EXOC4: variants seen among roughly 807,000 people sequenced by gnomAD.
EXOC4 encodes the protein exocyst complex component 4, also known as SEC8-like 1.
Under a neutral mutation model 107.2 loss-of-function variants are expected in EXOC4, and 71 were observed. The ratio of observed to expected loss-of-function variants is 0.66; its 90% CI spans 0.55 to 0.81. The LOEUF (loss-of-function observed/expected upper bound fraction) is 0.81, where lower values mean the gene tolerates loss of function less well. EXOC4 is among the 30% of genes least tolerant of loss of function. EXOC4 has a pLI of 0.00. For missense variants in EXOC4, 1,108 were observed against 1,189.6 expected (o/e 0.93, Z 1.01); for synonymous variants, 456 against 441.2 (o/e 1.03, Z -0.42).
chr7:133,410,551 G>C (rs1351729476), intron 7 of EXOC4, among the ~76,000 whole-genome samples: 1 of 152,096 alleles, frequency 6.6e-6, no homozygotes, highest in African/African-American at 2.4e-5. Flanking sequence ...CCACTTCTAT[G>C]TTAGGTCTAT....
chr7:133,462,462 T>G (rs1293277645), intron 7 of EXOC4, among the ~76,000 whole-genome samples: 1 of 152,098 alleles, frequency 6.6e-6, no homozygotes, highest in Non-Finnish European at 1.5e-5. Flanking sequence ...AAAAAGAACT[T>G]TCAAAAGAAG....
the EXOC4 span, among the ~76,000 whole-genome samples, chr7:134,086,305 A>G: frequency 6.6e-6 from 1 of 152,230 alleles, no homozygotes; most frequent in African/African-American, 2.4e-5. Flanking sequence ...AAAGTTGAGC[A>G]CTGACATGAT....
rs187334084 is a variant in EXOC4 at position 134,064,567 on chromosome 7, C to T, written c.*39C>T. The T allele has an allele frequency of 2.0e-5, 28 of 1,401,532 alleles. No individual in the cohort carries two copies. The East Asian group carries it at 5.8e-4, about 29-fold the overall frequency. 86.8% of individuals were successfully genotyped at this position (1,401,532 alleles called of 1,614,324 possible). A position where few individuals can be genotyped will look rare whatever the true frequency, so the allele number is the denominator to read the frequency against. Reference sequence around the variant, plus strand: ...GGTTGGTGACGGGGGTCCCCTCAGTCACACTCACTTTTTTCCTTGGTATGT... The same window carrying T: ...GGTTGGTGACGGGGGTCCCCTCAGTTACACTCACTTTTTTCCTTGGTATGT... On this transcript the variant is annotated 3_prime_UTR_variant, in exon 18 of 18. Coordinates refer to ENST00000253861, the MANE Select transcript of EXOC4 (RefSeq NM_021807.4).
chr7:133,446,556 C>A (rs910279192), intron 7 of EXOC4, among the ~76,000 whole-genome samples: 1 of 152,204 alleles, frequency 6.6e-6, no homozygotes, highest in Admixed American at 6.5e-5. Context: ...AGCGACCTGT[C>A]TGCTCACTAT....
intron 10 of EXOC4, among the ~76,000 whole-genome samples, chr7:133,781,203 T>G (rs1403051532): frequency 1.3e-5 from 2 of 152,248 alleles, no homozygotes; most frequent in African/African-American, 4.8e-5. Context: ...AAACCATTTG[T>G]GAAGAAGGCT....
intron 7 of EXOC4, among the ~76,000 whole-genome samples, chr7:133,474,556 T>A (rs1798962800): frequency 1.3e-5 from 2 of 151,522 alleles, no homozygotes; most frequent in Non-Finnish European, 2.9e-5. Context: ...CAAGTGATCC[T>A]CCTACCTCAG....
At chr7:133,618,878 TAATATGTAACA>T (rs1470780178) in intron 9 of EXOC4, among the ~76,000 whole-genome samples, 21 of 152,220 alleles carry the variant, frequency 1.4e-4, no homozygotes, top group Admixed American at 7.2e-4. Context: ...TTATATATCA[TAATATGTAACA>T]TTCTCTGTGA....
At chr7:133,298,783 T>C (rs1269296557) in intron 3 of EXOC4, among the ~76,000 whole-genome samples, 1 of 152,220 alleles carries the variant, frequency 6.6e-6, no homozygotes, top group East Asian at 1.9e-4. Flanking sequence ...TGAGATCTAC[T>C]TCTAGAATTT....
chr7:133,620,790 A>C (rs1023385266), intron 9 of EXOC4, among the ~76,000 whole-genome samples: 2 of 152,230 alleles, frequency 1.3e-5, no homozygotes, highest in Non-Finnish European at 2.9e-5. Flanking sequence ...CATATTTAAT[A>C]GATTCAAGAT....
At chr7:133,988,813 A>G (rs1032712691) in intron 14 of EXOC4, among the ~76,000 whole-genome samples, 1 of 152,178 alleles carries the variant, frequency 6.6e-6, no homozygotes, top group Non-Finnish European at 1.5e-5. Flanking sequence ...GAGAAAAAAG[A>G]AAGTGGTAAG....
Position 133,480,105 on chromosome 7 carries a change from A to C in EXOC4, c.1384A>C (p.Arg462=). The stretch of plus-strand genomic sequence containing the variant: ...GAGCGCCTATCTGCGAGAACAGAGA[A>C]GGGAGCTCTATAGTCGGAGTGGAGA... ...SMSAYLREQR[R]ELYSRSGELQ... is the part of the protein sequence containing the mutation. The change falls in exon 9 of 18, where the codon AGG becomes CGG. Residue 462 remains arginine, a synonymous_variant. Coordinates refer to ENST00000253861, the MANE Select transcript of EXOC4 (RefSeq NM_021807.4). The C allele has an allele frequency of 2.5e-6, 4 of 1,614,030 alleles. No homozygotes were observed. The highest frequency in any genetic ancestry group is 3.4e-6 in the Non-Finnish European group (4 of 1,179,930).
chr7:133,670,981 T>C (rs765426285), intron 10 of EXOC4, among the ~76,000 whole-genome samples: 1 of 152,084 alleles, frequency 6.6e-6, no homozygotes, highest in Non-Finnish European at 1.5e-5. Context: ...CATAGGGTGC[T>C]CAGGGTGCGT....
chr7:133,340,462 A>G (rs1795635478), intron 5 of EXOC4, among the ~76,000 whole-genome samples: 1 of 129,706 alleles, frequency 7.7e-6, no homozygotes, highest in East Asian at 2.2e-4. Flanking sequence ...ATCTGTGTTC[A>G]TTGGGGATAT....
intron 10 of EXOC4, among the ~76,000 whole-genome samples, chr7:133,788,317 G>A (rs993077826): frequency 4.0e-5 from 6 of 151,450 alleles, no homozygotes; most frequent in Admixed American, 1.3e-4. Flanking sequence ...TATATCTACT[G>A]CCCATTTCAT....
rs751100822 is a variant in EXOC4 at position 134,005,574 on chromosome 7, C to T, written c.2527+484C>T. On this transcript the variant is annotated intron_variant, in intron 16 of 17. Transcript: ENST00000253861. Reference sequence around the variant, plus strand: ...GGAAGGACGTGTCCATAAATGCCTCCAAGGGGCAGGCAAGGAAGGGTGTGA... The same window carrying T: ...GGAAGGACGTGTCCATAAATGCCTCTAAGGGGCAGGCAAGGAAGGGTGTGA... Among the ~76,000 whole-genome samples, 50 of 152,112 alleles carry T rather than the reference C, an allele frequency of 3.3e-4. 1 individual carries two copies. Among genetic ancestry groups the T allele is most frequent in the Non-Finnish European group, 6.5e-4 (44 of 68,018 alleles).
chr7:133,335,669 C>A (rs1468914669), intron 5 of EXOC4, among the ~76,000 whole-genome samples: 1 of 152,106 alleles, frequency 6.6e-6, no homozygotes, highest in Non-Finnish European at 1.5e-5. Flanking sequence ...TCCTTGAGAT[C>A]CTGCTTTCAA....
intron 10 of EXOC4, among the ~76,000 whole-genome samples, chr7:133,695,009 A>G (rs1794502314): frequency 1.3e-5 from 2 of 152,022 alleles, no homozygotes; most frequent in Non-Finnish European, 2.9e-5. Context: ...TTTAGTAGAG[A>G]TGGAGTTTCT....
intron 5 of EXOC4, among the ~76,000 whole-genome samples, chr7:133,335,390 C>T (rs1398614270): frequency 1.3e-5 from 2 of 152,126 alleles, no homozygotes; most frequent in South Asian, 2.1e-4. Flanking sequence ...TGGCGGCCCC[C>T]ATTCTACTTT....
intron 7 of EXOC4, among the ~76,000 whole-genome samples, chr7:133,414,744 T>C (rs1797435844): frequency 6.6e-6 from 1 of 152,160 alleles, no homozygotes; most frequent in Non-Finnish European, 1.5e-5. Flanking sequence ...CTATATTCTG[T>C]ATTATAGATA....
Sources: allele counts gnomAD v4.1 joint callset (sites outside exome capture counted in the v4.1 genomes callset), GRCh38; gene constraint gnomAD v4.1.1; transcripts MANE v1.5; gene names NCBI Gene and HGNC (gene_info 2026-07-23, HGNC 2026-07-21).